The following TRPV3 variants were observed in gnomAD, a reference collection of about 807,000 sequenced individuals.
TRPV3 encodes VRL-3.
Under a neutral mutation model 87.1 loss-of-function variants are expected in TRPV3, and 88 were observed. The ratio of observed to expected loss-of-function variants is 1.01; its 90% CI spans 0.85 to 1.21. The LOEUF (loss-of-function observed/expected upper bound fraction) is 1.21. Among genes scored for constraint, TRPV3 ranks in the 50% most tolerant of loss-of-function variants. TRPV3 has a pLI of 0.00. For missense variants in TRPV3, 1,054 were observed against 1,030.1 expected, an observed-to-expected ratio of 1.02 and a Z score of -0.32; for synonymous variants, 438 against 423.3, an observed-to-expected ratio of 1.03 and a Z score of -0.43.
intron 7 of TRPV3, among the ~76,000 whole-genome samples, chr17:3,534,411 A>G (rs1234484509): frequency 6.6e-6 from 1 of 152,066 alleles, no homozygotes; most frequent in African/African-American, 2.4e-5. Flanking sequence ...AAAAATAAAA[A>G]AAATAACACC....
In TRPV3 at chr17:3,514,684, A is replaced by C; in HGVS notation, c.2199-12T>G. On this transcript the variant is annotated splice_polypyrimidine_tract_variant and intron_variant, in intron 16 of 17. Transcript: ENST00000576742. ...TCACCTCATTGATCCTGCAAATGTGATAATCATTCTTACTATTTCACCAGT... is the reference window on the plus strand; with the variant it reads ...TCACCTCATTGATCCTGCAAATGTGCTAATCATTCTTACTATTTCACCAGT... 1.2e-6 allele frequency: 2 copies of C among 1,607,034 alleles called. No homozygotes were observed. The highest frequency in any genetic ancestry group is 1.7e-6 in the Non-Finnish European group (2 of 1,173,794).
chr17:3,554,584 T>C lies in TRPV3; in HGVS notation c.119+148A>G, dbSNP rs322966. The stretch of plus-strand genomic sequence containing the variant: ...CTGTGCTCCCCACCGCACCATCCCC[T>C]AGTCATACCTCGCCGGGCACCGGGC... On this transcript the variant is annotated intron_variant, in intron 2 of 17. Coordinates refer to ENST00000576742, the MANE Select transcript of TRPV3 (RefSeq NM_145068.4). The C allele has an allele frequency of 0.69, 432,058 of 625,746 alleles. 149,728 individuals are homozygous for C. Among genetic ancestry groups the C allele is most frequent in the Admixed American group, 0.76 (27,874 of 36,862 alleles). 38.8% of individuals were successfully genotyped at this position (625,746 alleles called of 1,614,324 possible). A position where few individuals can be genotyped will look rare whatever the true frequency, so the allele number is the denominator to read the frequency against.
chr17:3,528,058 C>A lies in TRPV3; in HGVS notation c.1470G>T (p.Val490=). ...CAGAGATGCACATGGCCCAGATGAG[C>A]ACAAACATCCTCCCTAGGAGCTGCA... ...GWLQLLGRMF[V]LIWAMCISVK... The change falls in exon 11 of 18, where the codon GTG becomes GTT. Residue 490 remains valine, a synonymous_variant. Transcript: ENST00000576742. This position sits in a 1 kb window ranked among gnomAD's most constrained non-coding sequence, Gnocchi z 4.2. 1.2e-6 allele frequency: 2 copies of A among 1,613,748 alleles called. No homozygotes were observed. The highest frequency in any genetic ancestry group is 1.7e-6 in the Non-Finnish European group (2 of 1,179,960).
At chr17:3,529,499 C>T (rs1033028481) in intron 9 of TRPV3, among the ~76,000 whole-genome samples, 2 of 152,192 alleles carry the variant, frequency 1.3e-5, no homozygotes, top group Middle Eastern at 6.8e-3. Flanking sequence ...TGCCTCACTG[C>T]CCCCAAGAGC....
intron 12 of TRPV3, among the ~76,000 whole-genome samples, chr17:3,525,258 G>A (rs1456899263): frequency 3.9e-5 from 6 of 152,312 alleles, no homozygotes; most frequent in Non-Finnish European, 7.4e-5. Context: ...GACCTCAGGT[G>A]ATCCACCCAC....
At chr17:3,537,936 C>A (rs2074423307) in intron 6 of TRPV3, among the ~76,000 whole-genome samples, 1 of 146,028 alleles carries the variant, frequency 6.8e-6, no homozygotes, top group Non-Finnish European at 1.5e-5. Context: ...CGGTGGCTCA[C>A]ACCTGTAATC....
At position 3,530,335 on chromosome 17, in the gene TRPV3, T is replaced by A; in HGVS notation, c.1066-132A>T. The A allele has an allele frequency of 2.4e-6, 2 of 822,482 alleles. No homozygotes were observed. The highest frequency in any genetic ancestry group is 3.7e-6 in the Non-Finnish European group (2 of 542,276). The allele number at this position is 822,482 out of a possible 1,614,324, so 50.9% of individuals were successfully genotyped here. A position where few individuals can be genotyped will look rare whatever the true frequency, so the allele number is the denominator to read the frequency against. ...ATGGGTGGAGACCTGCCTCTGCGCC[T>A]GGCGCCATGGCCCCTGGGCCCCGTC... On this transcript the variant is annotated intron_variant, in intron 8 of 17. Coordinates refer to ENST00000576742, the MANE Select transcript of TRPV3 (RefSeq NM_145068.4). This position sits in a 1 kb window ranked among gnomAD's most constrained non-coding sequence, Gnocchi z 4.0.
At chr17:3,543,702 C>A in intron 4 of TRPV3, 74 bp from the exon 5 acceptor site, 1 of 1,580,936 alleles carries the variant, frequency 6.3e-7, no homozygotes, top group Non-Finnish European at 8.6e-7. Flanking sequence ...CCCGCCAGAG[C>A]TGCCTACGGG....
intron 2 of TRPV3, 88 bp downstream of exon 2, chr17:3,554,644 C>T: frequency 2.1e-6 from 2 of 944,006 alleles, no homozygotes; most frequent in South Asian, 3.1e-5. Context: ...CAGGTCTCCC[C>T]AAGGCAAGGG....
Position 3,511,534 on chromosome 17 carries a change from G to A in TRPV3, c.*2383C>T, listed in dbSNP as rs2074114109. 6.6e-6 allele frequency: 1 copy of A among 152,174 alleles called. No homozygotes were observed. The highest frequency in any genetic ancestry group is 6.5e-5 in the Admixed American group (1 of 15,276). 9.4% of individuals were successfully genotyped at this position (152,174 alleles called of 1,614,324 possible). A position where few individuals can be genotyped will look rare whatever the true frequency, so the allele number is the denominator to read the frequency against. On this transcript the variant is annotated 3_prime_UTR_variant, in exon 18 of 18. Coordinates refer to ENST00000576742, the MANE Select transcript of TRPV3 (RefSeq NM_145068.4). ...TCACTCTGATGCTTCTTGACTTATG[G>A]CTTCCCTTGGTAAACCTACCTAGGC...
chr17:3,537,912 A>AG (rs1567640273), intron 6 of TRPV3, among the ~76,000 whole-genome samples: 13 of 124,432 alleles, frequency 1.0e-4, no homozygotes, highest in Non-Finnish European at 1.8e-4. Context: ...AAAAAAAAAA[A>AG]GGCATGCCAG....
At chr17:3,514,270 G>A (rs1330559989) in intron 17 of TRPV3, 2 of 485,810 alleles carry the variant, frequency 4.1e-6, no homozygotes, top group Admixed American at 6.8e-5. Flanking sequence ...GTAGAGACAA[G>A]GTGTCACCAT....
intron 2 of TRPV3, among the ~76,000 whole-genome samples, chr17:3,545,864 C>T (rs1284893699): frequency 1.3e-5 from 2 of 150,322 alleles, no homozygotes; most frequent in Non-Finnish European, 3.0e-5. Context: ...ATGGCAGGCA[C>T]CTGTAACCCC....
intron 13 of TRPV3, among the ~76,000 whole-genome samples, chr17:3,522,820 C>CAAAAAAAAAAAA (rs772785322): frequency 4.6e-5 from 3 of 64,698 alleles, no homozygotes; most frequent in Non-Finnish European, 3.5e-5. Context: ...CAGTCACAAA[C>CAAAAAAAAAAAA]AAAAAAAAAA....
chr17:3,511,797 GGATACGGCTTTATCCATAACA>G lies in TRPV3; in HGVS notation c.*2099_*2119del, dbSNP rs2074117004. 2 of 152,170 alleles carry G rather than the reference GGATACGGCTTTATCCATAACA, an allele frequency of 1.3e-5. No homozygotes were observed. The highest frequency in any genetic ancestry group is 4.8e-5 in the African/African-American group (2 of 41,440). The allele number at this position is 152,170 out of a possible 1,614,324, so 9.4% of individuals were successfully genotyped here. ...TTAACATCCGAGTCAAAGCAACTCTGGATACGGCTTTATCCATAACAGATACGGCTTTATCCATTAATGGAT... is the reference window on the plus strand; with the variant it reads ...TTAACATCCGAGTCAAAGCAACTCTGGATACGGCTTTATCCATTAATGGAT... On this transcript the variant is annotated 3_prime_UTR_variant, in exon 18 of 18. Coordinates refer to ENST00000576742, the MANE Select transcript of TRPV3 (RefSeq NM_145068.4).
chr17:3,552,104 C>G, intron 2 of TRPV3: 1 of 151,886 alleles, frequency 6.6e-6, no homozygotes, highest in East Asian at 1.9e-4. Flanking sequence ...CCAGGCTACT[C>G]TCAAACTCCT....
At chr17:3,531,264 T>C (rs1364694574) in intron 8 of TRPV3, among the ~76,000 whole-genome samples, 2 of 151,968 alleles carry the variant, frequency 1.3e-5, no homozygotes, top group African/African-American at 4.8e-5. Context: ...GGATGAGACA[T>C]GGACTTCCTA....
chr17:3,529,132 A>G lies in TRPV3; in HGVS notation c.1243-137T>C. 3.8e-6 allele frequency: 4 copies of G among 1,050,194 alleles called. No individual in the cohort carries two copies. The South Asian group carries it at 6.0e-5, about 16-fold the overall frequency. The allele number at this position is 1,050,194 out of a possible 1,614,324, so 65.1% of individuals were successfully genotyped here. On this transcript the variant is annotated intron_variant, in intron 9 of 17. Transcript: ENST00000576742. ...TGCCCGATGGACTGGTCTGGTTGGA[A>G]ATGCTGGGAGGGTGATTTCCGGCTC...
In TRPV3 at chr17:3,556,356, G is replaced by C. The variant is rs1467013230; in HGVS notation, c.-3+1320C>G. Among the ~76,000 whole-genome samples the C allele has an allele frequency of 1.3e-5, 2 of 151,892 alleles. No homozygotes were observed. The highest frequency in any genetic ancestry group is 3.9e-4 in the East Asian group (2 of 5,156). On this transcript the variant is annotated intron_variant, in intron 1 of 17. Transcript: ENST00000576742. The surrounding 1 kb of genome is among the most constrained non-coding windows in gnomAD (Gnocchi z 4.2). Reference sequence around the variant, plus strand: ...GGGGCCAGGAGGAGGCTGCTGCAGGGGCCATAGGGACGGGGAAGGGGGCCA... The same window carrying C: ...GGGGCCAGGAGGAGGCTGCTGCAGGCGCCATAGGGACGGGGAAGGGGGCCA...
Sources: allele counts gnomAD v4.1 joint callset (sites outside exome capture counted in the v4.1 genomes callset), GRCh38; gene constraint gnomAD v4.1.1; non-coding constraint Gnocchi (gnomAD v3.1); transcripts MANE v1.5; gene names NCBI Gene and HGNC (gene_info 2026-07-23, HGNC 2026-07-21).